The following COLEC12 variants were observed in gnomAD, a reference collection of about 807,000 sequenced individuals.
COLEC12 encodes the protein collectin subfamily member 12.
Under a neutral mutation model 71.1 loss-of-function variants are expected in COLEC12, and 33 were observed. The ratio of observed to expected loss-of-function variants is 0.46; its 90% confidence interval spans 0.35 to 0.62. The LOEUF is 0.62. Ranked by LOEUF, COLEC12 falls within the 20% of genes least tolerant of loss-of-function variation. The probability of loss-of-function intolerance (pLI) is 0.00; values close to 1 mark genes in which losing one functional copy is unlikely to be tolerated. For missense variants in COLEC12, 765 were observed against 916.1 expected, an observed-to-expected ratio of 0.84 and a Z score of 2.13; for synonymous variants, 350 against 353.0, an observed-to-expected ratio of 0.99 and a Z score of 0.10.
At chr18:422,988 G>A (rs1488867218) in intron 2 of COLEC12, among the ~76,000 whole-genome samples, 1 of 152,198 alleles carries the variant, frequency 6.6e-6, no homozygotes, top group Non-Finnish European at 1.5e-5. Flanking sequence ...ATATTTACTG[G>A]AGCTGGGTAC....
intron 3 of COLEC12, among the ~76,000 whole-genome samples, chr18:355,335 T>C (rs1389841476): frequency 6.6e-6 from 1 of 152,062 alleles, no homozygotes; most frequent in Non-Finnish European, 1.5e-5. Flanking sequence ...AGCTGCCATG[T>C]GTCTACATGA....
intron 2 of COLEC12, among the ~76,000 whole-genome samples, chr18:431,653 T>G (rs143264420): frequency 6.6e-6 from 1 of 152,260 alleles, no homozygotes; most frequent in Non-Finnish European, 1.5e-5. Flanking sequence ...TGAAGTCCTG[T>G]TACACAGCTG....
In COLEC12 at chr18:399,955, G is replaced by A. The variant is rs1415026517; in HGVS notation, c.59-42433C>T. On this transcript the variant is annotated intron_variant, in intron 2 of 9. Transcript: ENST00000400256. This position sits in a 1 kb window ranked among gnomAD's most constrained non-coding sequence, Gnocchi z 4.0. Reference sequence around the variant, plus strand: ...GTTAAAGGGTGGTGGGGGCGGGTGGGGGATAGTGACTGAAGAGGCTGTATT... The same window carrying A: ...GTTAAAGGGTGGTGGGGGCGGGTGGAGGATAGTGACTGAAGAGGCTGTATT... Among the ~76,000 whole-genome samples the A allele has an allele frequency of 6.6e-6, 1 of 152,124 alleles. No individual in the cohort carries two copies. The highest frequency in any genetic ancestry group is 1.5e-5 in the Non-Finnish European group (1 of 68,016).
chr18:427,681 A>G (rs928950122), intron 2 of COLEC12, among the ~76,000 whole-genome samples: 2 of 151,442 alleles, frequency 1.3e-5, no homozygotes, highest in African/African-American at 4.9e-5. Context: ...AGTGACTTGC[A>G]CAATTCATAA....
At chr18:334,046 G>A (rs1914046587) in intron 6 of COLEC12, 1 of 152,332 alleles carries the variant, frequency 6.6e-6, no homozygotes, top group Admixed American at 6.5e-5. Flanking sequence ...TTAGCCAGGT[G>A]TGGTGGCATA....
At chr18:443,974 T>C (rs1916596504) in intron 2 of COLEC12, among the ~76,000 whole-genome samples, 1 of 152,326 alleles carries the variant, frequency 6.6e-6, no homozygotes, top group East Asian at 1.9e-4. Flanking sequence ...CCTTCTGCCA[T>C]GATCGTAAAA....
chr18:370,184 T>C (rs1240111197), intron 2 of COLEC12, among the ~76,000 whole-genome samples: 2 of 152,206 alleles, frequency 1.3e-5, no homozygotes, highest in African/African-American at 4.8e-5. Context: ...CTTCAGCTCT[T>C]ACAGCAGAGA....
At chr18:378,408 G>C (rs1344568494) in intron 2 of COLEC12, among the ~76,000 whole-genome samples, 2 of 152,228 alleles carry the variant, frequency 1.3e-5, no homozygotes, top group Non-Finnish European at 2.9e-5. Flanking sequence ...ATAGCTGCAA[G>C]GAACAGCGGC....
intron 2 of COLEC12, among the ~76,000 whole-genome samples, chr18:439,576 G>A (rs929908992): frequency 1.3e-5 from 2 of 151,182 alleles, no homozygotes; most frequent in East Asian, 3.9e-4. Context: ...TAAAAATAAG[G>A]TTATTGAAAT....
At chr18:466,664 T>C (rs761705817) in intron 2 of COLEC12, among the ~76,000 whole-genome samples, 35 of 152,320 alleles carry the variant, frequency 2.3e-4, no homozygotes, top group Admixed American at 3.9e-4. Flanking sequence ...TTCTCAAATA[T>C]ATGTTGAGCT....
At chr18:431,948 T>A (rs1276428767) in intron 2 of COLEC12, among the ~76,000 whole-genome samples, 2 of 152,152 alleles carry the variant, frequency 1.3e-5, no homozygotes, top group Non-Finnish European at 2.9e-5. Context: ...TCCCATATTA[T>A]CTAGAGAGGT....
intron 2 of COLEC12, among the ~76,000 whole-genome samples, chr18:407,630 C>T (rs533865878): frequency 3.3e-5 from 5 of 152,308 alleles, no homozygotes; most frequent in East Asian, 3.9e-4. Context: ...GAAACCCACC[C>T]GCATTAGGGA....
chr18:360,826 T>C (rs373352493), intron 2 of COLEC12, among the ~76,000 whole-genome samples: 2 of 152,222 alleles, frequency 1.3e-5, no homozygotes, highest in South Asian at 2.1e-4. Context: ...AGACCTAGAG[T>C]AAATAAACTT....
chr18:385,793 A>T (rs2143574770), intron 2 of COLEC12, among the ~76,000 whole-genome samples: 2 of 152,346 alleles, frequency 1.3e-5, no homozygotes, highest in Middle Eastern at 6.8e-3. Context: ...ACAGCAAAGT[A>T]CATACATGGA....
chr18:336,127 C>G (rs1261845134), intron 5 of COLEC12, among the ~76,000 whole-genome samples: 1 of 152,154 alleles, frequency 6.6e-6, no homozygotes, highest in African/African-American at 2.4e-5. Flanking sequence ...TCCCCATAAC[C>G]AAGCCTATAA....
At position 500,016 on chromosome 18, in the gene COLEC12, C is replaced by T. The variant is rs1005805906; in HGVS notation, c.7+492G>A. On this transcript the variant is annotated intron_variant, in intron 1 of 9. Transcript: ENST00000400256. The surrounding 1 kb of genome is among the most constrained non-coding windows in gnomAD (Gnocchi z 5.3). ...GGCACCTAATCATTGCCAGATGTGG[C>T]GAGGGCGCACGGAGAACATCCCCAG... 1.3e-5 allele frequency among the ~76,000 whole-genome samples: 2 copies of T among 152,192 alleles called. No homozygotes were observed. The highest frequency in any genetic ancestry group is 4.8e-5 in the African/African-American group (2 of 41,468).
At chr18:487,101 C>T (rs1241312114) in intron 1 of COLEC12, among the ~76,000 whole-genome samples, 1 of 152,164 alleles carries the variant, frequency 6.6e-6, no homozygotes, top group African/African-American at 2.4e-5. Flanking sequence ...AATGGATAAA[C>T]TGTGGTATGT....
chr18:349,695 G>C (rs1173556218), intron 3 of COLEC12, among the ~76,000 whole-genome samples: 1 of 152,226 alleles, frequency 6.6e-6, no homozygotes. Context: ...AGCCACAGGG[G>C]TGGAGCTGCC....
At position 426,381 on chromosome 18, in the gene COLEC12, G is replaced by A. The variant is rs147269675; in HGVS notation, c.58+54326C>T. Among the ~76,000 whole-genome samples the A allele has an allele frequency of 1.1e-3, 174 of 152,220 alleles. 1 individual carries two copies. Among genetic ancestry groups the A allele is most frequent in the African/African-American group, 3.7e-3 (154 of 41,512 alleles). ...GGTCTCTGCATGTTTTGGGGTCTGC[G>A]AGCAATTTTACTACTGTGTAAGTTG... On this transcript the variant is annotated intron_variant, in intron 2 of 9. Transcript: ENST00000400256.
Sources: gnomAD v4.1 joint callset for allele counts (sites outside exome capture counted in the v4.1 genomes callset) on GRCh38, gnomAD v4.1.1 for gene constraint, Gnocchi (gnomAD v3.1) non-coding constraint, MANE v1.5 for transcripts, NCBI Gene and HGNC (gene_info 2026-07-23, HGNC 2026-07-21) for gene names.